CAT: variants seen among roughly 807,000 people sequenced by gnomAD.
CAT encodes catalase.
In CAT, 43 loss-of-function variants were observed where a neutral mutation model predicts 59.0. The ratio of observed to expected loss-of-function variants is 0.73; its 90% CI spans 0.57 to 0.94. The LOEUF (loss-of-function observed/expected upper bound fraction) is 0.94, where lower values mean the gene tolerates loss of function less well. CAT is among the 40% of genes least tolerant of loss of function. CAT has a pLI of 0.00. For synonymous variants in CAT, 218 were observed against 230.9 expected, an observed-to-expected ratio of 0.94 and a Z score of 0.51; for missense variants, 664 against 682.9, an observed-to-expected ratio of 0.97 and a Z score of 0.31.
intron 10 of CAT, among the ~76,000 whole-genome samples, chr11:34,464,522 T>A (rs1452015332): frequency 6.6e-6 from 1 of 152,098 alleles, no homozygotes; most frequent in Non-Finnish European, 1.5e-5. Context: ...TCATGGGAAT[T>A]TAAGAAATGA....
At chr11:34,463,446 C>T (rs1392781314) in intron 9 of CAT, among the ~76,000 whole-genome samples, 2 of 151,992 alleles carry the variant, frequency 1.3e-5, no homozygotes, top group Non-Finnish European at 2.9e-5. Context: ...GGAGAGATAC[C>T]CTGAGAATCC....
In CAT at chr11:34,456,663, A is replaced by G; in HGVS notation, c.904-2A>G. On this transcript the variant is annotated splice_acceptor_variant, in intron 7 of 12. Coordinates refer to ENST00000241052, the MANE Select transcript of CAT (RefSeq NM_001752.4). LOFTEE classifies it high-confidence loss of function. The stretch of plus-strand genomic sequence containing the variant: ...TAATTGTGAATATGACATCATTTTC[A>G]GGTTTGGCCTCACAAGGACTACCCT... The G allele has an allele frequency of 6.2e-7, 1 of 1,613,858 alleles. No homozygotes were observed. Among genetic ancestry groups the G allele is most frequent in the Non-Finnish European group, 8.5e-7 (1 of 1,179,742 alleles).
At chr11:34,462,862 A>G (rs1856665925) in intron 9 of CAT, among the ~76,000 whole-genome samples, 2 of 152,240 alleles carry the variant, frequency 1.3e-5, no homozygotes, top group South Asian at 2.1e-4. Context: ...AAAATTAACT[A>G]GGCACATTTC....
At chr11:34,453,260 T>A (rs966419823) in intron 5 of CAT, 66 bp downstream of exon 5, 1 of 950,170 alleles carries the variant, frequency 1.1e-6, no homozygotes, top group African/African-American at 1.6e-5. Flanking sequence ...TGCCTCTTCA[T>A]AAAGTGTCTC....
Position 34,467,479 on chromosome 11 carries a change from A to G in CAT, c.1327-809A>G, listed in dbSNP as rs963106012. 2.0e-5 allele frequency among the ~76,000 whole-genome samples: 3 copies of G among 148,982 alleles called. No homozygotes were observed. In the Admixed American group the frequency reaches 2.1e-4, roughly 10 times the overall value. ...ATTTGATGACTTATGGAAATGATGCATCTCTTAATATTTTATGAAGTTGAT... is the reference window on the plus strand; with the variant it reads ...ATTTGATGACTTATGGAAATGATGCGTCTCTTAATATTTTATGAAGTTGAT... On this transcript the variant is annotated intron_variant, in intron 10 of 12. Coordinates refer to ENST00000241052, the MANE Select transcript of CAT (RefSeq NM_001752.4).
intron 8 of CAT, 140 bp from the exon 9 acceptor site, chr11:34,461,111 T>A (rs1375837725): frequency 4.3e-6 from 4 of 920,480 alleles, no homozygotes; most frequent in Non-Finnish European, 5.4e-6. Flanking sequence ...GCTTCACTCT[T>A]AAGTAGCGGG....
chr11:34,463,248 A>G (rs1440388591), intron 9 of CAT, among the ~76,000 whole-genome samples: 2 of 152,248 alleles, frequency 1.3e-5, no homozygotes, highest in African/African-American at 4.8e-5. Context: ...TAAAACGAAA[A>G]AAAAGCCTTA....
intron 8 of CAT, among the ~76,000 whole-genome samples, chr11:34,458,686 C>G (rs1856616518): frequency 6.6e-6 from 1 of 152,204 alleles, no homozygotes; most frequent in Non-Finnish European, 1.5e-5. Flanking sequence ...ACAAGGTTAC[C>G]TAAACTCTTT....
At chr11:34,470,888 C>T in intron 11 of CAT, 70 bp from the exon 12 acceptor site, 1 of 1,291,726 alleles carries the variant, frequency 7.7e-7, no homozygotes, top group Non-Finnish European at 1.1e-6. Flanking sequence ...CACTGGGAAA[C>T]CACAGTCCCT....
chr11:34,451,285 G>A (rs1187102263), intron 3 of CAT, among the ~76,000 whole-genome samples, 187 bp downstream of exon 3: 3 of 152,308 alleles, frequency 2.0e-5, no homozygotes, highest in East Asian at 3.9e-4. Context: ...GTTTGTTGAG[G>A]TCTTAGGAAA....
intron 8 of CAT, among the ~76,000 whole-genome samples, chr11:34,457,639 C>G (rs1437011982): frequency 6.6e-6 from 1 of 151,964 alleles, no homozygotes; most frequent in African/African-American, 2.4e-5. Flanking sequence ...TAATGTTAAG[C>G]CATCAGTATG....
intron 4 of CAT, among the ~76,000 whole-genome samples, chr11:34,452,637 G>A (rs1041583599): frequency 1.3e-5 from 2 of 151,996 alleles, no homozygotes; most frequent in Non-Finnish European, 2.9e-5. Flanking sequence ...GCAGATCACT[G>A]GAGTCCATGA....
chr11:34,445,495 C>CAAAAAAAAAAAAAAAAAAAA (rs58169234), intron 1 of CAT, among the ~76,000 whole-genome samples: 1 of 36,340 alleles, frequency 2.8e-5, no homozygotes, highest in African/African-American at 1.2e-4. Flanking sequence ...GACTCCATCT[C>CAAAAAAAAAAAAAAAAAAAA]AAAAAAAAAA....
At chr11:34,450,083 G>C (rs1431317914) in intron 2 of CAT, among the ~76,000 whole-genome samples, 3 of 152,182 alleles carry the variant, frequency 2.0e-5, no homozygotes, top group Non-Finnish European at 2.9e-5. Context: ...AGAACATGCA[G>C]ACTCCACACA....
At chr11:34,452,853 TAAA>T (rs532166250) in intron 4 of CAT, among the ~76,000 whole-genome samples, 3 of 137,236 alleles carry the variant, frequency 2.2e-5, no homozygotes, top group Non-Finnish European at 4.8e-5. Context: ...GACCCTGTCT[TAAA>T]AAAAAAAAAA....
At chr11:34,455,614 A>T in intron 6 of CAT, among the ~76,000 whole-genome samples, 1 of 152,050 alleles carries the variant, frequency 6.6e-6, no homozygotes, top group East Asian at 1.9e-4. Flanking sequence ...AGCTGTCATG[A>T]AATGGAATTA....
At chr11:34,455,932 T>G in intron 6 of CAT, 79 bp from the exon 7 acceptor site, 1 of 1,187,844 alleles carries the variant, frequency 8.4e-7, no homozygotes. Context: ...TTACTCATAA[T>G]CCTTCAATGA....
intron 10 of CAT, among the ~76,000 whole-genome samples, chr11:34,467,269 A>C (rs761511854): frequency 2.6e-5 from 4 of 152,248 alleles, no homozygotes; most frequent in Non-Finnish European, 4.4e-5. Context: ...ATAGTGACCC[A>C]GTCGATGTTT....
Position 34,456,692 on chromosome 11 carries a change from A to G in CAT, c.931A>G (p.Ile311Val). ...KVWPHKDYPL[I>V]PVGKLVLNRN... ...TTGGCCTCACAAGGACTACCCTCTC[A>G]TCCCAGTTGGTAAACTGGTCTTAAA... Residue 311 changes from isoleucine to valine, a missense_variant, in exon 8 of 13, where the codon ATC (isoleucine) becomes GTC (valine). Ile to Val is a conservative substitution (Grantham distance 29). Transcript: ENST00000241052. 1 of 1,614,154 alleles carries G rather than the reference A, an allele frequency of 6.2e-7. No individual in the cohort carries two copies. The highest frequency in any genetic ancestry group is 1.3e-5 in the African/African-American group (1 of 75,060).
Sources: gnomAD v4.1 joint callset for allele counts (sites outside exome capture counted in the v4.1 genomes callset) on GRCh38, gnomAD v4.1.1 for gene constraint, MANE v1.5 for transcripts, NCBI Gene and HGNC (gene_info 2026-07-23, HGNC 2026-07-21) for gene names.